RBFOX1: variants seen among roughly 807,000 people sequenced by gnomAD.
The protein encoded by RBFOX1 is RNA binding fox-1 homolog 1, also known as RNA binding protein fox-1 homolog 1.
RBFOX1 carries 8 observed loss-of-function variants against 57.7 expected under a neutral mutation model. That is an observed-to-expected ratio of 0.14 (90% CI 0.08 to 0.25). The LOEUF is 0.25. RBFOX1 is among the 10% of genes least tolerant of loss of function. The probability of loss-of-function intolerance (pLI) is 1.00; values close to 1 mark genes in which losing one functional copy is unlikely to be tolerated. For missense variants in RBFOX1, 611 were observed against 548.5 expected (o/e 1.11, Z -1.14); for synonymous variants, 326 against 222.4 (o/e 1.47, Z -4.15).
At chr16:5,655,147 G>A (rs925718378) in intron 3 of RBFOX1, among the ~76,000 whole-genome samples, 1 of 152,124 alleles carries the variant, frequency 6.6e-6, no homozygotes, top group East Asian at 1.9e-4. Flanking sequence ...TTTATTATTT[G>A]TTTGCTATCT....
At chr16:7,087,016 C>T (rs975097639) in intron 4 of RBFOX1, among the ~76,000 whole-genome samples, 1 of 152,166 alleles carries the variant, frequency 6.6e-6, no homozygotes, top group Non-Finnish European at 1.5e-5. Flanking sequence ...GGACCGCAGC[C>T]TCTGAGCCCG....
chr16:7,082,523 T>C (rs2059356855), intron 4 of RBFOX1, among the ~76,000 whole-genome samples: 1 of 148,808 alleles, frequency 6.7e-6, no homozygotes. Flanking sequence ...TGGAGGTTGA[T>C]CAAACCTCCA....
Position 5,936,034 on chromosome 16 carries a change from AT to A in RBFOX1, c.351+68709del, listed in dbSNP as rs78887664. Among the ~76,000 whole-genome samples, 142 of 149,668 alleles carry A rather than the reference AT, an allele frequency of 9.5e-4. No individual in the cohort carries two copies. In the East Asian group the frequency reaches 0.016, roughly 17 times the overall value. On this transcript the variant is annotated intron_variant, in intron 4 of 19. Transcript: ENST00000641259. Reference sequence around the variant, plus strand: ...CCATTCCTTCAACTGATCTGAACCCATTTTTTTTTTATGTCAAGAGTGGAAA... The same window carrying A: ...CCATTCCTTCAACTGATCTGAACCCATTTTTTTTTATGTCAAGAGTGGAAA...
At chr16:7,372,900 T>G (rs1446787354) in intron 4 of RBFOX1, among the ~76,000 whole-genome samples, 1 of 151,684 alleles carries the variant, frequency 6.6e-6, no homozygotes, top group East Asian at 2.0e-4. Flanking sequence ...TTCTATAGTT[T>G]TGAAATTTAT....
chr16:5,356,883 C>G (rs1319962592), intron 1 of RBFOX1, among the ~76,000 whole-genome samples: 1 of 152,158 alleles, frequency 6.6e-6, no homozygotes, highest in Non-Finnish European at 1.5e-5. Flanking sequence ...GCAATGATAG[C>G]TAATAGTCAC....
At chr16:7,361,337 C>A (rs370237916) in intron 4 of RBFOX1, among the ~76,000 whole-genome samples, 2 of 152,324 alleles carry the variant, frequency 1.3e-5, no homozygotes, top group East Asian at 3.9e-4. Context: ...CCTAAATTGA[C>A]TTAGAAAGCT....
At chr16:5,246,148 A>G (rs1422760799) in intron 1 of RBFOX1, among the ~76,000 whole-genome samples, 1 of 152,214 alleles carries the variant, frequency 6.6e-6, no homozygotes, top group Non-Finnish European at 1.5e-5. Flanking sequence ...AGGCTGAGGC[A>G]GGAGAATCAT....
At chr16:7,105,743 C>G (rs539673413) in intron 4 of RBFOX1, among the ~76,000 whole-genome samples, 1 of 150,798 alleles carries the variant, frequency 6.6e-6, no homozygotes, top group East Asian at 2.0e-4. Flanking sequence ...TATATAGATT[C>G]AGTCACAGAG....
At chr16:7,236,912 A>C (rs1050071758) in intron 4 of RBFOX1, among the ~76,000 whole-genome samples, 14 of 152,174 alleles carry the variant, frequency 9.2e-5, no homozygotes, top group African/African-American at 3.4e-4. Flanking sequence ...ATTTCTAGCA[A>C]CATTACTATA....
intron 3 of RBFOX1, among the ~76,000 whole-genome samples, chr16:5,683,677 C>G (rs1017155332): frequency 1.3e-5 from 2 of 151,836 alleles, no homozygotes; most frequent in South Asian, 4.2e-4. Flanking sequence ...CCTCAGCTTA[C>G]ACACGGCCTA....
intron 3 of RBFOX1, among the ~76,000 whole-genome samples, chr16:7,003,269 G>A (rs1294016576): frequency 6.6e-6 from 1 of 151,878 alleles, no homozygotes; most frequent in Non-Finnish European, 1.5e-5. Context: ...GACCATCCTG[G>A]CCAACATGGT....
chr16:7,408,998 T>A (rs1025189961), intron 4 of RBFOX1, among the ~76,000 whole-genome samples: 1 of 152,210 alleles, frequency 6.6e-6, no homozygotes, highest in Non-Finnish European at 1.5e-5. Flanking sequence ...GCCCGTCAAT[T>A]CTTCCCCTAC....
intron 1 of RBFOX1, among the ~76,000 whole-genome samples, chr16:5,310,789 T>G (rs1456305195): frequency 2.0e-5 from 3 of 152,226 alleles, no homozygotes; most frequent in Non-Finnish European, 2.9e-5. Flanking sequence ...GTTTGCATTA[T>G]TTTTCAGAAG....
At chr16:5,823,282 G>T (rs921856773) in intron 3 of RBFOX1, among the ~76,000 whole-genome samples, 19 of 152,110 alleles carry the variant, frequency 1.2e-4, no homozygotes, top group African/African-American at 4.3e-4. Flanking sequence ...TTGGAAGTGA[G>T]ATTAGAGGTT....
chr16:5,358,024 C>T (rs1404712431), intron 1 of RBFOX1, among the ~76,000 whole-genome samples: 1 of 152,174 alleles, frequency 6.6e-6, no homozygotes, highest in South Asian at 2.1e-4. Context: ...AATGACACAA[C>T]TTTATTTTCA....
intron 4 of RBFOX1, among the ~76,000 whole-genome samples, chr16:7,428,862 A>C (rs531260238): frequency 6.6e-6 from 1 of 152,122 alleles, no homozygotes; most frequent in Non-Finnish European, 1.5e-5. Context: ...TGATAACAGT[A>C]GTAGAAGTAG....
At chr16:6,765,023 G>GAA (rs201378243) in intron 3 of RBFOX1, among the ~76,000 whole-genome samples, 1 of 147,700 alleles carries the variant, frequency 6.8e-6, no homozygotes, top group East Asian at 1.9e-4. Flanking sequence ...AAGGTTTTCA[G>GAA]AAAAAAAAAA....
In RBFOX1 at chr16:7,518,288, A is replaced by T. The variant is rs776457289; in HGVS notation, c.169A>T (p.Thr57Ser). 3 of 1,614,026 alleles carry T rather than the reference A, an allele frequency of 1.9e-6. 1 individual carries two copies. The highest frequency in any genetic ancestry group is 2.5e-6 in the Non-Finnish European group (3 of 1,179,972). Residue 57 changes from threonine to serine, a missense_variant, in exon 5 of 16, where the codon ACG becomes TCG. Physicochemically the swap from Thr to Ser is moderately conservative, Grantham distance 58. Transcript: ENST00000550418. The stretch of plus-strand genomic sequence containing the variant: ...CGCGCCAGAGTACACAGGCCAGACC[A>T]CGGTTCCCGAGCACACATTAAACCT... The part of the protein sequence containing the change: ...HPAPEYTGQT[T>S]VPEHTLNLYP...
At chr16:5,400,102 T>G (rs544731439) in intron 1 of RBFOX1, among the ~76,000 whole-genome samples, 2 of 151,886 alleles carry the variant, frequency 1.3e-5, no homozygotes, top group African/African-American at 4.8e-5. Flanking sequence ...TTTCTTTCTT[T>G]CTTTCTTTTT....
Sources: gnomAD v4.1 joint callset for allele counts (sites outside exome capture counted in the v4.1 genomes callset) on GRCh38, gnomAD v4.1.1 for gene constraint, MANE v1.5 for transcripts, NCBI Gene and HGNC (gene_info 2026-07-23, HGNC 2026-07-21) for gene names.